The following ATXN1 variants were observed in gnomAD, a reference collection of about 807,000 sequenced individuals.
ATXN1 encodes the protein ataxin 1.
In ATXN1, 8 loss-of-function variants were observed where a neutral mutation model predicts 56.4. The ratio of observed to expected loss-of-function variants is 0.14; its 90% CI spans 0.08 to 0.26. The LOEUF (loss-of-function observed/expected upper bound fraction) is 0.26, where lower values mean the gene tolerates loss of function less well. Among genes scored for constraint, ATXN1 ranks in the 10% least tolerant of loss-of-function variants. The probability of loss-of-function intolerance (pLI) is 1.00; values close to 1 mark genes in which losing one functional copy is unlikely to be tolerated. For missense variants in ATXN1, 987 were observed against 1,106.5 expected (o/e 0.89, Z 1.53); for synonymous variants, 514 against 494.6 (o/e 1.04, Z -0.52).
intron 4 of ATXN1, among the ~76,000 whole-genome samples, chr6:16,528,262 C>T (rs1761431491): frequency 6.7e-6 from 1 of 150,050 alleles, no homozygotes. Context: ...GATCGCACCA[C>T]TGCACTCCAA....
intron 4 of ATXN1, among the ~76,000 whole-genome samples, chr6:16,541,802 G>A (rs577397141): frequency 7.2e-5 from 11 of 152,232 alleles, no homozygotes; most frequent in African/African-American, 1.7e-4. Context: ...TAATGAACAC[G>A]GAAATTGTAT....
At chr6:16,666,722 T>C (rs1468445952) in intron 2 of ATXN1, 1 of 152,166 alleles carries the variant, frequency 6.6e-6, no homozygotes, top group Non-Finnish European at 1.5e-5. Context: ...GCCAGGATGG[T>C]CTTGCTCTCC....
intron 6 of ATXN1, among the ~76,000 whole-genome samples, chr6:16,424,535 A>G (rs1355074567): frequency 1.3e-5 from 2 of 152,208 alleles, no homozygotes. Context: ...GCCAGGCACA[A>G]ACAAGTACAG....
At chr6:16,450,579 T>A (rs2113611670) in intron 6 of ATXN1, among the ~76,000 whole-genome samples, 1 of 152,366 alleles carries the variant, frequency 6.6e-6, no homozygotes, top group South Asian at 2.1e-4. Context: ...AACTCTGAAC[T>A]GACTCACTCC....
At chr6:16,451,785 G>A (rs1444112406) in intron 6 of ATXN1, among the ~76,000 whole-genome samples, 3 of 151,808 alleles carry the variant, frequency 2.0e-5, no homozygotes, top group African/African-American at 7.3e-5. Flanking sequence ...AAATAGTATA[G>A]TTGAAAGAAA....
chr6:16,497,499 C>T (rs1760802905), intron 5 of ATXN1, among the ~76,000 whole-genome samples: 1 of 152,214 alleles, frequency 6.6e-6, no homozygotes, highest in Non-Finnish European at 1.5e-5. Flanking sequence ...CACTTTAACT[C>T]TGCTAGTAAC....
intron 2 of ATXN1, among the ~76,000 whole-genome samples, chr6:16,728,070 G>A (rs1561825147): frequency 6.6e-6 from 1 of 152,168 alleles, no homozygotes; most frequent in South Asian, 2.1e-4. Flanking sequence ...TAAACGCCTG[G>A]AGCATGCTGA....
chr6:16,685,834 C>T (rs1010737506), intron 2 of ATXN1, among the ~76,000 whole-genome samples: 57 of 152,208 alleles, frequency 3.7e-4, no homozygotes, highest in South Asian at 2.1e-4. Context: ...TTCATTTTAT[C>T]GTTCAATAAA....
chr6:16,364,911 A>G (rs1327467903), intron 6 of ATXN1, among the ~76,000 whole-genome samples: 1 of 152,236 alleles, frequency 6.6e-6, no homozygotes, highest in Non-Finnish European at 1.5e-5. Context: ...AGGGGCTAAC[A>G]GGGAAATGAG....
intron 6 of ATXN1, among the ~76,000 whole-genome samples, chr6:16,378,025 G>A (rs187832425): frequency 6.6e-6 from 1 of 152,296 alleles, no homozygotes; most frequent in Non-Finnish European, 1.5e-5. Context: ...GGGCCATCTC[G>A]GGCACCACCA....
At chr6:16,350,002 T>A (rs1033870040) in intron 6 of ATXN1, among the ~76,000 whole-genome samples, 2 of 152,198 alleles carry the variant, frequency 1.3e-5, no homozygotes, top group Admixed American at 1.3e-4. Context: ...CTAACTAGAA[T>A]CTCTACAACA....
rs538628465 is a variant in ATXN1, at chr6:16,300,629, C to T, written c.*5700G>A. On this transcript the variant is annotated 3_prime_UTR_variant, in exon 8 of 8. Transcript: ENST00000436367. ...TTTACATTGAAATCATGTTTTTACT[C>T]CCCCCATTTAAATGAGGTGTGGGGG... 1.3e-5 allele frequency: 2 copies of T among 152,452 alleles called. No homozygotes were observed. The highest frequency in any genetic ancestry group is 4.1e-4 in the South Asian group (2 of 4,822). The allele number at this position is 152,452 out of a possible 1,614,324, so 9.4% of individuals were successfully genotyped here.
chr6:16,657,820 C>T lies in ATXN1; in HGVS notation c.-533G>A, dbSNP rs1331891230. 1 of 152,150 alleles carries T rather than the reference C, an allele frequency of 6.6e-6. No individual in the cohort carries two copies. The highest frequency in any genetic ancestry group is 1.5e-5 in the Non-Finnish European group (1 of 68,026). 9.4% of individuals were successfully genotyped at this position (152,150 alleles called of 1,614,324 possible). ...AAGACCATCCGTGCAGGCTGAAATC[C>T]ACTCTTTCTCTCTTGTTCCTGGTCT... On this transcript the variant is annotated 5_prime_UTR_variant, in exon 3 of 8. Coordinates refer to ENST00000436367, the MANE Select transcript of ATXN1 (RefSeq NM_001128164.2).
In ATXN1 at chr6:16,447,761, T is replaced by C. The variant is rs181126279; in HGVS notation, c.-161+38211A>G. ...TAGTTACACTCTTAGAAGCTTTATATAGGATTTCTAATTTAATCTTTATTG... is the reference window on the plus strand; with the variant it reads ...TAGTTACACTCTTAGAAGCTTTATACAGGATTTCTAATTTAATCTTTATTG... On this transcript the variant is annotated intron_variant, in intron 6 of 7. Coordinates refer to ENST00000436367, the MANE Select transcript of ATXN1 (RefSeq NM_001128164.2). Among the ~76,000 whole-genome samples the C allele has an allele frequency of 3.3e-5, 5 of 152,340 alleles. No individual in the cohort carries two copies. In the East Asian group the frequency reaches 9.6e-4, roughly 29 times the overall value.
At chr6:16,535,601 C>A (rs1281444219) in intron 4 of ATXN1, among the ~76,000 whole-genome samples, 1 of 152,222 alleles carries the variant, frequency 6.6e-6, no homozygotes, top group African/African-American at 2.4e-5. Flanking sequence ...AGAAAACACG[C>A]ATCTCTTGAG....
chr6:16,553,313 C>T (rs1402553718), intron 4 of ATXN1, among the ~76,000 whole-genome samples: 1 of 152,122 alleles, frequency 6.6e-6, no homozygotes, highest in Non-Finnish European at 1.5e-5. Flanking sequence ...GTTATTTCAC[C>T]CCAAACCTCT....
At chr6:16,397,063 T>C (rs1269155960) in intron 6 of ATXN1, among the ~76,000 whole-genome samples, 1 of 152,210 alleles carries the variant, frequency 6.6e-6, no homozygotes, top group Non-Finnish European at 1.5e-5. Flanking sequence ...CAGAATGCAT[T>C]CCCATTATTA....
chr6:16,503,675 T>G (rs1051695331), intron 5 of ATXN1, among the ~76,000 whole-genome samples: 2 of 152,204 alleles, frequency 1.3e-5, no homozygotes, highest in Non-Finnish European at 2.9e-5. Flanking sequence ...GGAACACAGA[T>G]GTTGACCTAA....
intron 3 of ATXN1, among the ~76,000 whole-genome samples, chr6:16,638,373 G>A (rs1214294151): frequency 6.6e-6 from 1 of 151,376 alleles, no homozygotes; most frequent in East Asian, 1.9e-4. Flanking sequence ...TTGAGCCTGG[G>A]AGGTTGAGGC....
Sources: allele counts gnomAD v4.1 joint callset (sites outside exome capture counted in the v4.1 genomes callset), GRCh38; gene constraint gnomAD v4.1.1; transcripts MANE v1.5; gene names NCBI Gene and HGNC (gene_info 2026-07-23, HGNC 2026-07-21).